COL23A1: variants seen among roughly 807,000 people sequenced by gnomAD.
The protein encoded by COL23A1 is collagen alpha-1(XXIII) chain.
In COL23A1, 97 loss-of-function variants were observed where a neutral mutation model predicts 99.3. The ratio of observed to expected loss-of-function variants is 0.98; its 90% CI spans 0.83 to 1.16. The LOEUF is 1.16. Ranked by LOEUF, COL23A1 falls within the 50% of genes most tolerant of loss-of-function variation. The probability of loss-of-function intolerance (pLI) is 0.00; values close to 1 mark genes in which losing one functional copy is unlikely to be tolerated. For synonymous variants in COL23A1, 320 were observed against 308.2 expected, an observed-to-expected ratio of 1.04 and a Z score of -0.40; for missense variants, 762 against 757.4, an observed-to-expected ratio of 1.01 and a Z score of -0.07.
intron 2 of COL23A1, among the ~76,000 whole-genome samples, chr5:178,358,085 CGT>C (rs1036466804): frequency 7.8e-6 from 1 of 127,402 alleles, no homozygotes; most frequent in African/African-American, 3.0e-5. Context: ...TGTGTATGTA[CGT>C]GTGTAGGTCT....
At chr5:178,262,494 G>C (rs1035354496) in intron 9 of COL23A1, among the ~76,000 whole-genome samples, 13 of 152,172 alleles carry the variant, frequency 8.5e-5, no homozygotes, top group Non-Finnish European at 1.6e-4. Flanking sequence ...GGGGGAATCT[G>C]GCAGCAGTTT....
intron 2 of COL23A1, among the ~76,000 whole-genome samples, chr5:178,418,812 C>T (rs758263261): frequency 3.3e-5 from 5 of 152,226 alleles, no homozygotes; most frequent in Admixed American, 2.0e-4. Context: ...TTGGTTGTTA[C>T]GCCTGCACAG....
In COL23A1 at chr5:178,527,450, A is replaced by G. The variant is rs555195508; in HGVS notation, c.361+33232T>C. On this transcript the variant is annotated intron_variant, in intron 2 of 28. Transcript: ENST00000390654. ...CTTCCCTGGGGCTCTGCCAGCTCCA[A>G]GGGGCCTCCAGGCACCCCGCAGCCT... 8.5e-5 allele frequency among the ~76,000 whole-genome samples: 13 copies of G among 152,248 alleles called. No individual in the cohort carries two copies. The South Asian group carries it at 2.3e-3, about 27-fold the overall frequency.
At chr5:178,575,250 G>A (rs541185610) in intron 1 of COL23A1, among the ~76,000 whole-genome samples, 1 of 152,174 alleles carries the variant, frequency 6.6e-6, no homozygotes, top group African/African-American at 2.4e-5. Flanking sequence ...CAAAACTAAG[G>A]GATAATTGGG....
chr5:178,504,687 G>C (rs1199373737), intron 2 of COL23A1, among the ~76,000 whole-genome samples: 1 of 152,206 alleles, frequency 6.6e-6, no homozygotes, highest in Non-Finnish European at 1.5e-5. Flanking sequence ...AGAGAAGTCA[G>C]GCATGTGTGA....
At chr5:178,432,590 G>C (rs1766323286) in intron 2 of COL23A1, among the ~76,000 whole-genome samples, 1 of 152,216 alleles carries the variant, frequency 6.6e-6, no homozygotes, top group African/African-American at 2.4e-5. Context: ...AAGGAGGCAG[G>C]AAACACCCAG....
intron 2 of COL23A1, among the ~76,000 whole-genome samples, chr5:178,424,804 C>T (rs753776377): frequency 6.6e-6 from 1 of 152,200 alleles, no homozygotes; most frequent in Non-Finnish European, 1.5e-5. Flanking sequence ...GATAATCTCT[C>T]CTCCCAACTC....
intron 1 of COL23A1, among the ~76,000 whole-genome samples, chr5:178,578,804 C>T (rs1763523332): frequency 6.7e-6 from 1 of 150,374 alleles, no homozygotes; most frequent in East Asian, 2.0e-4. Flanking sequence ...GCCGCCATAC[C>T]GCATGATTAT....
chr5:178,256,942 A>T lies in COL23A1; in HGVS notation c.775-14T>A. ...CCCTGGCTCGCCCTGAAACAGACAC[A>T]GCTGCAGTGAGAGCAAGTGTGAGAC... On this transcript the variant is annotated splice_polypyrimidine_tract_variant and intron_variant, in intron 13 of 28. Transcript: ENST00000390654. 1 of 1,612,816 alleles carries T rather than the reference A, an allele frequency of 6.2e-7. No individual in the cohort carries two copies. The highest frequency in any genetic ancestry group is 1.7e-4 in the Middle Eastern group (1 of 6,060).
intron 16 of COL23A1, among the ~76,000 whole-genome samples, chr5:178,253,507 G>A (rs142704406): frequency 0.074 from 11,219 of 151,604 alleles, 553 homozygotes; most frequent in Admixed American, 0.12. Context: ...TTTTGAGATG[G>A]AGTCTCCCTC....
At chr5:178,252,680 C>T in intron 16 of COL23A1, 83 bp from the exon 17 acceptor site, 4 of 1,164,714 alleles carry the variant, frequency 3.4e-6, no homozygotes, top group East Asian at 5.2e-5. Flanking sequence ...CACCTGGAAT[C>T]AAGTCCCCGT....
chr5:178,569,048 G>A (rs530751082), intron 1 of COL23A1, among the ~76,000 whole-genome samples: 2 of 152,162 alleles, frequency 1.3e-5, no homozygotes, highest in African/African-American at 2.4e-5. Flanking sequence ...CACCAGCAAC[G>A]TATGACAGTT....
chr5:178,375,020 G>A (rs1762996968), intron 2 of COL23A1, among the ~76,000 whole-genome samples: 1 of 152,160 alleles, frequency 6.6e-6, no homozygotes, highest in Admixed American at 6.5e-5. Flanking sequence ...GGCGACAACC[G>A]AAATCACCGT....
intron 2 of COL23A1, among the ~76,000 whole-genome samples, chr5:178,453,293 A>T (rs1157225321): frequency 6.6e-6 from 1 of 152,232 alleles, no homozygotes; most frequent in Non-Finnish European, 1.5e-5. Flanking sequence ...TCTGGAAACC[A>T]GCATACACAG....
chr5:178,276,283 G>GC (rs11438994), intron 5 of COL23A1, among the ~76,000 whole-genome samples: 91,233 of 152,020 alleles, frequency 0.6, 28,673 homozygotes, highest in Non-Finnish European at 0.71. Flanking sequence ...AAATAAACTG[G>GC]CCGCGTTTAG....
At chr5:178,273,649 T>C (rs756793906) in intron 5 of COL23A1, among the ~76,000 whole-genome samples, 1 of 152,192 alleles carries the variant, frequency 6.6e-6, no homozygotes, top group Non-Finnish European at 1.5e-5. Flanking sequence ...GTGTGAAAAC[T>C]GACACAGCAG....
intron 2 of COL23A1, among the ~76,000 whole-genome samples, chr5:178,391,671 G>A (rs1195265649): frequency 6.6e-6 from 1 of 152,078 alleles, no homozygotes; most frequent in Non-Finnish European, 1.5e-5. Flanking sequence ...AAGACAGTCT[G>A]GCAGGTGCTC....
At chr5:178,508,764 G>C (rs1759024732) in intron 2 of COL23A1, among the ~76,000 whole-genome samples, 1 of 152,152 alleles carries the variant, frequency 6.6e-6, no homozygotes, top group African/African-American at 2.4e-5. Flanking sequence ...ATCTGGCGAG[G>C]CTAGCCCTCT....
intron 2 of COL23A1, among the ~76,000 whole-genome samples, chr5:178,454,149 GAAGTT>G (rs1767639169): frequency 6.6e-6 from 1 of 152,160 alleles, no homozygotes; most frequent in African/African-American, 2.4e-5. Context: ...GATCACAGAT[GAAGTT>G]AAAAGGGCTG....
Sources: gnomAD v4.1 joint callset for allele counts (sites outside exome capture counted in the v4.1 genomes callset) on GRCh38, gnomAD v4.1.1 for gene constraint, MANE v1.5 for transcripts, NCBI Gene and HGNC (gene_info 2026-07-23, HGNC 2026-07-21) for gene names.